Variants in MTRF1 observed in about 807,000 individuals in gnomAD.
The protein encoded by MTRF1 is mitochondrial translation release factor 1.
MTRF1 carries 51 observed loss-of-function variants against 62.9 expected under a neutral mutation model. That is an observed-to-expected ratio of 0.81 (90% CI 0.65 to 1.02). MTRF1 has a LOEUF of 1.02. MTRF1 is among the 50% of genes least tolerant of loss of function. The probability of loss-of-function intolerance (pLI) is 0.00; values close to 1 mark genes in which losing one functional copy is unlikely to be tolerated. For missense variants in MTRF1, 446 were observed against 530.0 expected (o/e 0.84, Z 1.56); for synonymous variants, 158 against 181.9 (o/e 0.87, Z 1.06).
chr13:41,230,960 AGGTGATCT>A (rs2035445939), intron 7 of MTRF1, among the ~76,000 whole-genome samples: 1 of 152,112 alleles, frequency 6.6e-6, no homozygotes, highest in Admixed American at 6.6e-5. Context: ...CCTGACCCTC[AGGTGATCT>A]GCCTGCATCA....
chr13:41,252,487 A>G lies in MTRF1; in HGVS notation c.697+158T>C. 1.2e-5 allele frequency: 6 copies of G among 497,530 alleles called. 1 individual carries two copies. In the South Asian group the frequency reaches 2.3e-4, roughly 19 times the overall value. The allele number at this position is 497,530 out of a possible 1,614,324, so 30.8% of individuals were successfully genotyped here. A position where few individuals can be genotyped will look rare whatever the true frequency, so the allele number is the denominator to read the frequency against. ...TCTTCTCCTAGCTAACAACTCTGCT[A>G]TAATAGTAAGCCACTGTGATTGATG... On this transcript the variant is annotated intron_variant, in intron 5 of 9. Coordinates refer to ENST00000379480, the MANE Select transcript of MTRF1 (RefSeq NM_004294.4).
intron 5 of MTRF1, among the ~76,000 whole-genome samples, chr13:41,244,239 ACTCT>A (rs60782424): frequency 6.6e-6 from 1 of 151,814 alleles, no homozygotes; most frequent in African/African-American, 2.4e-5. Context: ...CTTTCAGTGA[ACTCT>A]CTCTCTGGCA....
At chr13:41,276,399 T>C in the MTRF1 span, among the ~76,000 whole-genome samples, 1 of 152,180 alleles carries the variant, frequency 6.6e-6, no homozygotes, top group South Asian at 2.1e-4. Flanking sequence ...CTTGAACTCC[T>C]GACCTCAAGT....
At chr13:41,226,067 TAG>T (rs1158672573) in intron 8 of MTRF1, among the ~76,000 whole-genome samples, 4 of 152,160 alleles carry the variant, frequency 2.6e-5, no homozygotes, top group Non-Finnish European at 5.9e-5. Context: ...TGATCTCACA[TAG>T]AGTTATAGTA....
At chr13:41,242,983 G>A (rs906234431) in intron 5 of MTRF1, among the ~76,000 whole-genome samples, 3 of 152,046 alleles carry the variant, frequency 2.0e-5, no homozygotes, top group Non-Finnish European at 4.4e-5. Flanking sequence ...CACTTTGGGA[G>A]GCCGAGGCGG....
upstream of MTRF1, among the ~76,000 whole-genome samples, chr13:41,266,303 C>T (rs973863751): frequency 3.9e-5 from 6 of 152,242 alleles, no homozygotes; most frequent in South Asian, 2.1e-4. Context: ...TCTGACTATG[C>T]AGAACAACTT....
At chr13:41,265,445 C>T (rs1260876962), upstream of MTRF1, among the ~76,000 whole-genome samples, 1 of 151,672 alleles carries the variant, frequency 6.6e-6, no homozygotes, top group African/African-American at 2.4e-5. Flanking sequence ...AGTAGTCTTA[C>T]TGCTATGGAC....
the MTRF1 span, among the ~76,000 whole-genome samples, chr13:41,281,897 G>A: frequency 6.6e-6 from 1 of 152,148 alleles, no homozygotes; most frequent in African/African-American, 2.4e-5. Context: ...AGCACTTTGG[G>A]AGGCCGAGGT....
In MTRF1 at chr13:41,243,435, TCC is replaced by T. The variant is rs550213177; in HGVS notation, c.698-3004_698-3003del. Among the ~76,000 whole-genome samples, 284 of 150,988 alleles carry T rather than the reference TCC, an allele frequency of 1.9e-3. 3 individuals carry two copies. The highest frequency in any genetic ancestry group is 6.5e-3 in the African/African-American group (268 of 41,152). On this transcript the variant is annotated intron_variant, in intron 5 of 9. Coordinates refer to ENST00000379480, the MANE Select transcript of MTRF1 (RefSeq NM_004294.4). ...AAAAAAAAAAAAAAAAGACTCAATTTCCTTAAGTTCAGTGCTCTTCTCCTATA... is the reference window on the plus strand; with the variant it reads ...AAAAAAAAAAAAAAAAGACTCAATTTTTAAGTTCAGTGCTCTTCTCCTATA...
the MTRF1 span, among the ~76,000 whole-genome samples, chr13:41,296,912 A>G: frequency 2.0e-5 from 3 of 152,186 alleles, no homozygotes; most frequent in African/African-American, 4.8e-5. Flanking sequence ...AATCATGGCT[A>G]TTCTAAGTTT....
the MTRF1 span, among the ~76,000 whole-genome samples, chr13:41,290,624 A>G: frequency 1.3e-5 from 2 of 148,602 alleles, no homozygotes; most frequent in Non-Finnish European, 3.0e-5. Context: ...CGAACTCCTG[A>G]CCTCATGATC....
At chr13:41,303,822 T>C in the MTRF1 span, among the ~76,000 whole-genome samples, 1 of 152,220 alleles carries the variant, frequency 6.6e-6, no homozygotes, top group Non-Finnish European at 1.5e-5. Context: ...GCTTTAAAGA[T>C]AAATATCGAT....
At chr13:41,309,932 G>A in the MTRF1 span, among the ~76,000 whole-genome samples, 6 of 152,146 alleles carry the variant, frequency 3.9e-5, no homozygotes, top group Non-Finnish European at 7.4e-5. Context: ...GGAGGCGGAG[G>A]TTACAGGGAG....
Position 41,245,112 on chromosome 13 carries a change from T to C in MTRF1, c.698-4679A>G, listed in dbSNP as rs1223044455. On this transcript the variant is annotated intron_variant, in intron 5 of 9. Transcript: ENST00000379480. ...ACTACTACTTTCTTAAGGCATTAAA[T>C]GTTCTGTTTATCTGCTCATATGTTC... Among the ~76,000 whole-genome samples the C allele has an allele frequency of 2.6e-5, 4 of 152,226 alleles. No individual in the cohort carries two copies. In the East Asian group the frequency reaches 7.7e-4, roughly 29 times the overall value.
chr13:41,259,949 G>A (rs972296386), intron 2 of MTRF1, among the ~76,000 whole-genome samples: 27 of 152,116 alleles, frequency 1.8e-4, no homozygotes, highest in African/African-American at 6.0e-4. Flanking sequence ...TGTATGTGTA[G>A]CCCTAGTATG....
the MTRF1 span, among the ~76,000 whole-genome samples, chr13:41,276,550 T>A: frequency 6.6e-6 from 1 of 152,218 alleles, no homozygotes; most frequent in Non-Finnish European, 1.5e-5. Flanking sequence ...TATTTTTTTT[T>A]ATACTTACTG....
intron 5 of MTRF1, among the ~76,000 whole-genome samples, chr13:41,243,789 A>C (rs2037863498): frequency 6.6e-6 from 1 of 152,200 alleles, no homozygotes; most frequent in Non-Finnish European, 1.5e-5. Flanking sequence ...ATTAGAATTA[A>C]AATATCCCAA....
At chr13:41,217,539 T>C (rs1487071309) in intron 9 of MTRF1, among the ~76,000 whole-genome samples, 1 of 152,206 alleles carries the variant, frequency 6.6e-6, no homozygotes, top group African/African-American at 2.4e-5. Context: ...ATTCCACTGA[T>C]TGGCTTTTAT....
the MTRF1 span, among the ~76,000 whole-genome samples, chr13:41,306,822 G>A: frequency 2.0e-5 from 3 of 152,194 alleles, no homozygotes; most frequent in East Asian, 5.8e-4. Context: ...AAGGACTTCA[G>A]CATTTTTCCT....
Sources: gnomAD v4.1 joint callset for allele counts (sites outside exome capture counted in the v4.1 genomes callset) on GRCh38, gnomAD v4.1.1 for gene constraint, MANE v1.5 for transcripts, NCBI Gene and HGNC (gene_info 2026-07-23, HGNC 2026-07-21) for gene names.